The following ETV1 variants were observed in gnomAD, a reference collection of about 807,000 sequenced individuals.
The protein encoded by ETV1 is ETS translocation variant 1.
In ETV1, 27 loss-of-function variants were observed where a neutral mutation model predicts 62.3. That is an observed-to-expected ratio of 0.43 (90% CI 0.32 to 0.60). The LOEUF (loss-of-function observed/expected upper bound fraction) is 0.60. Ranked by LOEUF, ETV1 falls within the 20% of genes least tolerant of loss-of-function variation. The pLI, the probability that ETV1 is intolerant of heterozygous loss-of-function variation, is 0.06. For synonymous variants in ETV1, 222 were observed against 199.6 expected (o/e 1.11, Z -0.94); for missense variants, 605 against 605.8 (o/e 1.00, Z 0.01).
intron 9 of ETV1, among the ~76,000 whole-genome samples, chr7:13,926,841 T>C (rs1423533371): frequency 6.6e-6 from 1 of 152,144 alleles, no homozygotes; most frequent in Non-Finnish European, 1.5e-5. Context: ...TGTCTTCTGA[T>C]TGAAGTCTTT....
chr7:13,950,731 A>G (rs1788703413), intron 6 of ETV1, among the ~76,000 whole-genome samples: 1 of 151,936 alleles, frequency 6.6e-6, no homozygotes, highest in Non-Finnish European at 1.5e-5. Context: ...GATGTGGCCA[A>G]CTCTCACTTT....
At chr7:13,923,132 A>G (rs1413679661) in intron 9 of ETV1, among the ~76,000 whole-genome samples, 1 of 152,192 alleles carries the variant, frequency 6.6e-6, no homozygotes, top group Non-Finnish European at 1.5e-5. Context: ...AGGCTCTGAC[A>G]TGTCATCTCC....
chr7:13,948,205 T>C, intron 6 of ETV1, among the ~76,000 whole-genome samples: 1 of 152,172 alleles, frequency 6.6e-6, no homozygotes, highest in East Asian at 1.9e-4. Flanking sequence ...AATGTCACAA[T>C]GATGGAAAGG....
At chr7:13,901,947 C>A (rs1000758234) in intron 12 of ETV1, among the ~76,000 whole-genome samples, 1 of 152,018 alleles carries the variant, frequency 6.6e-6, no homozygotes, top group African/African-American at 2.4e-5. Flanking sequence ...TAAAAAAAAT[C>A]CTCTCTCCTC....
intron 6 of ETV1, among the ~76,000 whole-genome samples, chr7:13,961,636 A>C (rs939801032): frequency 6.6e-6 from 1 of 152,228 alleles, no homozygotes; most frequent in African/African-American, 2.4e-5. Context: ...GAAATAAAAA[A>C]AAACATTGAG....
At chr7:13,953,588 C>A (rs1789067981) in intron 6 of ETV1, among the ~76,000 whole-genome samples, 1 of 151,872 alleles carries the variant, frequency 6.6e-6, no homozygotes, top group Non-Finnish European at 1.5e-5. Flanking sequence ...GGCAGATGGG[C>A]CTGCAGAATG....
intron 6 of ETV1, among the ~76,000 whole-genome samples, chr7:13,960,842 C>T (rs1790080791): frequency 1.3e-5 from 2 of 152,046 alleles, no homozygotes; most frequent in Admixed American, 1.3e-4. Context: ...TCCTTGGGGG[C>T]TGAAAATATA....
intron 5 of ETV1, among the ~76,000 whole-genome samples, chr7:13,981,001 C>G (rs1343002746): frequency 1.3e-5 from 2 of 151,844 alleles, no homozygotes; most frequent in Non-Finnish European, 2.9e-5. Context: ...ATAATCATTA[C>G]TTAAGAAAAA....
At position 13,989,248 on chromosome 7, in the gene ETV1, C is replaced by A. The variant is rs1475386361; in HGVS notation, c.-88+20G>T. On this transcript the variant is annotated intron_variant, in intron 2 of 13. Transcript: ENST00000430479. Reference sequence around the variant, plus strand: ...CAGTCCCATTCACAAAAATAACCCTCCCTACACCGCCTCCTTCACCTGGAT... The same window carrying A: ...CAGTCCCATTCACAAAAATAACCCTACCTACACCGCCTCCTTCACCTGGAT... The A allele has an allele frequency of 1.2e-5, 7 of 568,330 alleles. No homozygotes were observed. Among genetic ancestry groups the A allele is most frequent in the Non-Finnish European group, 2.2e-5 (7 of 322,352 alleles). The allele number at this position is 568,330 out of a possible 1,614,324, so 35.2% of individuals were successfully genotyped here.
chr7:13,938,049 G>A (rs1276021300), intron 7 of ETV1, among the ~76,000 whole-genome samples: 1 of 152,136 alleles, frequency 6.6e-6, no homozygotes, highest in South Asian at 2.1e-4. Context: ...AGGTTCAAGC[G>A]ATTCTCCTGC....
At chr7:13,933,514 G>A (rs1786435789) in intron 8 of ETV1, among the ~76,000 whole-genome samples, 1 of 152,180 alleles carries the variant, frequency 6.6e-6, no homozygotes. Flanking sequence ...GTGCCAAAGG[G>A]CTGGCCCCAG....
chr7:13,900,632 G>C, intron 13 of ETV1, 106 bp downstream of exon 13: 1 of 758,220 alleles, frequency 1.3e-6, no homozygotes, highest in Non-Finnish European at 2.1e-6. Context: ...GTTAAAATGA[G>C]TGAAAAACTC....
At chr7:13,910,495 C>T (rs569521315) in intron 10 of ETV1, 89 of 535,040 alleles carry the variant, frequency 1.7e-4, no homozygotes, top group South Asian at 7.5e-4. Context: ...AAATATTTTA[C>T]ATTTACCATC....
chr7:13,932,491 T>A (rs917043781), intron 8 of ETV1, among the ~76,000 whole-genome samples: 2 of 152,060 alleles, frequency 1.3e-5, no homozygotes, highest in African/African-American at 4.8e-5. Flanking sequence ...TCTCCAAAGG[T>A]GAAAATAACA....
At chr7:13,929,858 G>A (rs554383714) in intron 9 of ETV1, among the ~76,000 whole-genome samples, 1 of 152,224 alleles carries the variant, frequency 6.6e-6, no homozygotes, top group Non-Finnish European at 1.5e-5. Context: ...ATGACCAGAG[G>A]GAGACTTCTA....
chr7:13,911,609 C>T (rs1783577503), intron 9 of ETV1, among the ~76,000 whole-genome samples: 1 of 152,136 alleles, frequency 6.6e-6, no homozygotes, highest in Non-Finnish European at 1.5e-5. Flanking sequence ...GTCCTTGAAA[C>T]AGGGTCACAA....
rs113456461 is a variant in ETV1 at position 13,960,786 on chromosome 7, T to C, written c.235+16641A>G. Among the ~76,000 whole-genome samples the C allele has an allele frequency of 4.5e-3, 678 of 152,208 alleles. 8 individuals are homozygous for C. Among genetic ancestry groups the C allele is most frequent in the African/African-American group, 0.015 (629 of 41,526 alleles). On this transcript the variant is annotated intron_variant, in intron 6 of 13. Transcript: ENST00000430479. The stretch of plus-strand genomic sequence containing the variant: ...CTTATATTTAGCATGCAGAATCCAA[T>C]TGATGAAACTCAAATTCTGATTTGT...
chr7:13,931,430 C>T lies in ETV1; in HGVS notation c.802+72G>A, dbSNP rs1379931106. On this transcript the variant is annotated intron_variant, in intron 9 of 13. Coordinates refer to ENST00000430479, the MANE Select transcript of ETV1 (RefSeq NM_004956.5). ...TGGTCAGGAGCTACCTAGTCTGATA[C>T]CAACACTAACCAATGTGACAAGGGA... The T allele has an allele frequency of 1.5e-5, 23 of 1,569,722 alleles. No individual in the cohort carries two copies. The South Asian group carries it at 1.7e-4, about 12-fold the overall frequency.
chr7:13,939,406 C>T (rs1175780125), intron 6 of ETV1, among the ~76,000 whole-genome samples, 160 bp from the exon 7 acceptor site: 1 of 152,106 alleles, frequency 6.6e-6, no homozygotes. Context: ...CAGAAGATTT[C>T]AGAGAATCTT....
Sources: allele counts gnomAD v4.1 joint callset (sites outside exome capture counted in the v4.1 genomes callset), GRCh38; gene constraint gnomAD v4.1.1; transcripts MANE v1.5; gene names NCBI Gene and HGNC (gene_info 2026-07-23, HGNC 2026-07-21).